Variants in SLC1A1 observed in about 807,000 individuals in gnomAD.
SLC1A1 encodes excitatory amino acid transporter 3.
SLC1A1 carries 43 observed loss-of-function variants against 53.3 expected under a neutral mutation model. That is an observed-to-expected ratio of 0.81 (90% CI 0.63 to 1.04). The LOEUF is 1.04. Among genes scored for constraint, SLC1A1 ranks in the 50% least tolerant of loss-of-function variants. SLC1A1 has a pLI of 0.00. For missense variants in SLC1A1, 748 were observed against 664.9 expected, an observed-to-expected ratio of 1.12 and a Z score of -1.37; for synonymous variants, 307 against 243.2, an observed-to-expected ratio of 1.26 and a Z score of -2.44.
intron 7 of SLC1A1, among the ~76,000 whole-genome samples, chr9:4,573,442 G>A (rs1185895262): frequency 1.3e-5 from 2 of 152,114 alleles, no homozygotes; most frequent in African/African-American, 4.8e-5. Flanking sequence ...AAGATACAAC[G>A]ATAGCTCCAC....
At chr9:4,528,686 AGAT>A (rs1325962331) in intron 1 of SLC1A1, among the ~76,000 whole-genome samples, 1 of 152,210 alleles carries the variant, frequency 6.6e-6, no homozygotes, top group Non-Finnish European at 1.5e-5. Context: ...AGGTATAAAG[AGAT>A]GATACCAGAG....
chr9:4,529,265 C>T (rs904627764), intron 1 of SLC1A1, among the ~76,000 whole-genome samples: 1 of 152,182 alleles, frequency 6.6e-6, no homozygotes, highest in Non-Finnish European at 1.5e-5. Context: ...TGGGATCCTT[C>T]ACCACCTGCT....
chr9:4,564,502 C>A, intron 4 of SLC1A1, 44 bp downstream of exon 4: 1 of 1,072,740 alleles, frequency 9.3e-7, no homozygotes, highest in Non-Finnish European at 1.4e-6. Flanking sequence ...ATGCGGATAG[C>A]AGCACAAGGC....
chr9:4,558,202 G>C (rs1028652445), intron 2 of SLC1A1, among the ~76,000 whole-genome samples: 49 of 152,150 alleles, frequency 3.2e-4, no homozygotes, highest in African/African-American at 1.2e-3. Context: ...CCCTGTATCT[G>C]TTCTCTCCCT....
At chr9:4,534,199 T>A (rs965710052) in intron 1 of SLC1A1, among the ~76,000 whole-genome samples, 62 of 151,858 alleles carry the variant, frequency 4.1e-4, no homozygotes, top group Non-Finnish European at 7.4e-4. Flanking sequence ...AGGCAAGAAA[T>A]AACTAAGATC....
intron 1 of SLC1A1, among the ~76,000 whole-genome samples, chr9:4,499,841 A>G (rs1586689201): frequency 6.6e-6 from 1 of 152,340 alleles, no homozygotes; most frequent in South Asian, 2.1e-4. Context: ...CACTGGGCAT[A>G]AGAAATAAAG....
chr9:4,532,041 C>A (rs973478647), intron 1 of SLC1A1, among the ~76,000 whole-genome samples: 2 of 152,076 alleles, frequency 1.3e-5, no homozygotes, highest in Non-Finnish European at 2.9e-5. Context: ...ACATCCACAC[C>A]AAAACCCCAT....
At chr9:4,528,548 C>T (rs868792213) in intron 1 of SLC1A1, among the ~76,000 whole-genome samples, 2 of 152,206 alleles carry the variant, frequency 1.3e-5, no homozygotes, top group South Asian at 4.2e-4. Context: ...TGCACTCCAG[C>T]CTGGGAGACA....
intron 2 of SLC1A1, among the ~76,000 whole-genome samples, chr9:4,548,971 C>T (rs1225459052): frequency 2.6e-5 from 4 of 152,192 alleles, no homozygotes; most frequent in Admixed American, 2.0e-4. Flanking sequence ...TATGTCAAAG[C>T]ACCAGAGAAA....
chr9:4,547,868 A>C (rs1164450512), intron 2 of SLC1A1, among the ~76,000 whole-genome samples: 1 of 151,898 alleles, frequency 6.6e-6, no homozygotes, highest in Non-Finnish European at 1.5e-5. Flanking sequence ...TTGTCTTAGA[A>C]TCATATTTAA....
intron 1 of SLC1A1, among the ~76,000 whole-genome samples, chr9:4,525,724 T>C (rs1249547435): frequency 6.6e-6 from 1 of 152,096 alleles, no homozygotes; most frequent in Admixed American, 6.5e-5. Context: ...AAACATCCAG[T>C]AAATGCAACT....
chr9:4,578,831 A>G (rs1032305990), intron 10 of SLC1A1, among the ~76,000 whole-genome samples: 2 of 152,240 alleles, frequency 1.3e-5, no homozygotes, highest in Non-Finnish European at 2.9e-5. Flanking sequence ...TCTTTTGGAC[A>G]GCACTATGTT....
At chr9:4,563,184 G>C (rs1460663664) in intron 3 of SLC1A1, among the ~76,000 whole-genome samples, 1 of 151,658 alleles carries the variant, frequency 6.6e-6, no homozygotes, top group Admixed American at 6.6e-5. Context: ...GGGGAAGACA[G>C]AAGGAGCATA....
intron 2 of SLC1A1, among the ~76,000 whole-genome samples, chr9:4,547,129 G>C (rs1817561219): frequency 6.6e-6 from 1 of 152,194 alleles, no homozygotes; most frequent in Non-Finnish European, 1.5e-5. Context: ...AGTGAGTTTT[G>C]TTTTGGTTTG....
chr9:4,519,369 C>T (rs10115600), intron 1 of SLC1A1, among the ~76,000 whole-genome samples: 7 of 152,018 alleles, frequency 4.6e-5, no homozygotes, highest in African/African-American at 1.7e-4. Context: ...TACCCTCACT[C>T]AAGTTTTTAG....
At chr9:4,561,756 T>G (rs1308918545) in intron 3 of SLC1A1, among the ~76,000 whole-genome samples, 1 of 152,054 alleles carries the variant, frequency 6.6e-6, no homozygotes, top group Non-Finnish European at 1.5e-5. Context: ...CCGGGTATGG[T>G]AACATGCGCC....
chr9:4,555,156 C>T, intron 2 of SLC1A1, among the ~76,000 whole-genome samples: 1 of 152,366 alleles, frequency 6.6e-6, no homozygotes, highest in African/African-American at 2.4e-5. Context: ...CATGCCTTCT[C>T]TCTGCACAGG....
intron 2 of SLC1A1, chr9:4,553,364 C>CTTT (rs33971780): frequency 0.011 from 1,157 of 110,092 alleles, 49 homozygotes; most frequent in East Asian, 0.05. Context: ...CCCACCGCTT[C>CTTT]TTTTTTTTTT....
In SLC1A1 at chr9:4,583,119, C is replaced by T. The variant is rs758841418; in HGVS notation, c.1275C>T (p.Ala425=). The change falls in exon 11 of 12, where the codon GCC becomes GCT. Residue 425 remains alanine, a synonymous_variant. Coordinates refer to ENST00000262352, the MANE Select transcript of SLC1A1 (RefSeq NM_004170.6). The surrounding 1 kb of genome is among the most constrained non-coding windows in gnomAD (Gnocchi z 4.6). The part of the protein sequence containing the change: ...GLVTMVIVLS[A]VGLPAEDVTL... ...TGACCATGGTGATTGTGCTGAGTGC[C>T]GTGGGCCTGCCCGCCGAGGATGTCA... The T allele has an allele frequency of 1.4e-5, 23 of 1,614,072 alleles. No individual in the cohort carries two copies. The African/African-American group carries it at 1.6e-4, about 11-fold the overall frequency.
Sources: gnomAD v4.1 joint callset for allele counts (sites outside exome capture counted in the v4.1 genomes callset) on GRCh38, gnomAD v4.1.1 for gene constraint, Gnocchi (gnomAD v3.1) non-coding constraint, MANE v1.5 for transcripts, NCBI Gene and HGNC (gene_info 2026-07-23, HGNC 2026-07-21) for gene names.